SUMF2: variants seen among roughly 807,000 people sequenced by gnomAD.
SUMF2 encodes the protein inactive C-alpha-formylglycine-generating enzyme 2.
SUMF2 carries 45 observed loss-of-function variants against 44.8 expected under a neutral mutation model. The observed-to-expected ratio is 1.00, with a 90% CI of 0.79 to 1.29. The LOEUF is 1.29. Among genes scored for constraint, SUMF2 ranks in the 50% most tolerant of loss-of-function variants. SUMF2 has a pLI of 0.00. For missense variants in SUMF2, 418 were observed against 389.9 expected, an observed-to-expected ratio of 1.07 and a Z score of -0.61; for synonymous variants, 148 against 150.4, an observed-to-expected ratio of 0.98 and a Z score of 0.12.
chr7:56,074,794 G>A (rs1795430051), intron 5 of SUMF2, 58 bp downstream of exon 5: 1 of 1,604,852 alleles, frequency 6.2e-7, no homozygotes, highest in Admixed American at 1.7e-5. Context: ...CCCAGCATGA[G>A]GGGCTTTAAA....
chr7:56,083,374 G>A (rs1338683768), downstream of SUMF2: 1 of 1,614,050 alleles, frequency 6.2e-7, no homozygotes, highest in African/African-American at 1.3e-5. Flanking sequence ...TCGGGCTTCA[G>A]GTCCCGGTGC....
intron 2 of SUMF2, among the ~76,000 whole-genome samples, chr7:56,070,983 G>A (rs1240858541): frequency 2.6e-5 from 4 of 152,224 alleles, no homozygotes; most frequent in South Asian, 4.1e-4. Flanking sequence ...AACCTGGTCC[G>A]TGGTTGGTGA....
intron 2 of SUMF2, 107 bp downstream of exon 2, chr7:56,068,745 A>T: frequency 1.9e-5 from 26 of 1,337,102 alleles, no homozygotes; most frequent in Non-Finnish European, 1.0e-6. Context: ...TCTGTCACCC[A>T]GGTGCTGGAG....
downstream of SUMF2, chr7:56,081,975 A>T: frequency 6.2e-7 from 1 of 1,613,958 alleles, no homozygotes; most frequent in South Asian, 1.1e-5. This position sits in a 1 kb window ranked among gnomAD's most constrained non-coding sequence, Gnocchi z 4.6. Context: ...CCTCAGCATC[A>T]GCATCTGCTT....
At chr7:56,071,486 G>C (rs12669623) in intron 2 of SUMF2, among the ~76,000 whole-genome samples, 101,394 of 151,478 alleles carry the variant, frequency 0.67, 34,120 homozygotes, top group East Asian at 0.7. Flanking sequence ...GAGACCTGGT[G>C]TCAAAAAAAT....
chr7:56,077,614 G>A (rs1795650788), intron 6 of SUMF2, among the ~76,000 whole-genome samples: 1 of 150,976 alleles, frequency 6.6e-6, no homozygotes, highest in Non-Finnish European at 1.5e-5. Flanking sequence ...AGCTACCACT[G>A]TACTCTAGCC....
At chr7:56,071,352 G>A (rs1390120836) in intron 2 of SUMF2, among the ~76,000 whole-genome samples, 1 of 152,116 alleles carries the variant, frequency 6.6e-6, no homozygotes, top group Non-Finnish European at 1.5e-5. Context: ...GTGAGACCCA[G>A]TCTCAAAATA....
At chr7:56,068,031 C>CTTTTTTTTTTT (rs565131237) in intron 1 of SUMF2, among the ~76,000 whole-genome samples, 2 of 110,350 alleles carry the variant, frequency 1.8e-5, no homozygotes, top group African/African-American at 3.3e-5. Flanking sequence ...TTTTTTCTTT[C>CTTTTTTTTTTT]TTTTTTTTTT....
At chr7:56,070,361 C>T (rs1584578128) in intron 2 of SUMF2, among the ~76,000 whole-genome samples, 2 of 151,956 alleles carry the variant, frequency 1.3e-5, no homozygotes, top group Non-Finnish European at 2.9e-5. Context: ...TGCAGTGGCT[C>T]ACGTCTGTAA....
chr7:56,079,951 T>G lies in SUMF2; in HGVS notation c.*339T>G. 3 of 1,216,780 alleles carry G rather than the reference T, an allele frequency of 2.5e-6. No individual in the cohort carries two copies. Among genetic ancestry groups the G allele is most frequent in the Non-Finnish European group, 3.4e-6 (3 of 886,284 alleles). 75.4% of individuals were successfully genotyped at this position (1,216,780 alleles called of 1,614,324 possible). Reference sequence around the variant, plus strand: ...TTTAAGCATTTTAAAATCTATTCTCTCCCCCTTTCTCCCTGGATGATTCAG... The same window carrying G: ...TTTAAGCATTTTAAAATCTATTCTCGCCCCCTTTCTCCCTGGATGATTCAG... On this transcript the variant is annotated 3_prime_UTR_variant, in exon 9 of 9. Transcript: ENST00000434526.
chr7:56,082,329 A>G (rs1398225244), downstream of SUMF2: 3 of 1,146,832 alleles, frequency 2.6e-6, no homozygotes, highest in African/African-American at 3.1e-5. Context: ...GCAGTGGCTC[A>G]TTTCTATAAT....
At chr7:56,086,584 G>A in the SUMF2 span, among the ~76,000 whole-genome samples, 1 of 150,966 alleles carries the variant, frequency 6.6e-6, no homozygotes, top group Non-Finnish European at 1.5e-5. Context: ...CGCCTCCTGG[G>A]TTCAAGCGAT....
chr7:56,073,239 G>A, intron 3 of SUMF2, 128 bp downstream of exon 3: 1 of 751,764 alleles, frequency 1.3e-6, no homozygotes, highest in East Asian at 2.7e-5. Context: ...GGGGAAGCAA[G>A]AGAAACTCAC....
At chr7:56,073,278 C>T in intron 3 of SUMF2, 167 bp downstream of exon 3, 1 of 687,284 alleles carries the variant, frequency 1.5e-6, no homozygotes, top group Non-Finnish European at 2.7e-6. Context: ...TACACACTCC[C>T]AGGAAGTTAA....
At chr7:56,086,904 G>A in the SUMF2 span, 2 of 1,235,730 alleles carry the variant, frequency 1.6e-6, no homozygotes, top group Non-Finnish European at 2.4e-6. Flanking sequence ...GCAGCCCTGG[G>A]GTTGGGGAGG....
At position 56,079,661 on chromosome 7, in the gene SUMF2, C is replaced by T. The variant is rs191799871; in HGVS notation, c.*49C>T. On this transcript the variant is annotated 3_prime_UTR_variant, in exon 9 of 9. Coordinates refer to ENST00000434526, the MANE Select transcript of SUMF2 (RefSeq NM_015411.4). ...AAAGCCTTCTAGGGTCACTGTCATT[C>T]CCTGGCCATGTTGCAAACAGCGCAA... is the stretch of plus-strand genomic sequence containing the variant. The T allele has an allele frequency of 1.4e-3, 2,327 of 1,614,156 alleles. 36 individuals carry two copies. The South Asian group carries it at 0.018, about 12-fold the overall frequency.
At chr7:56,084,827 T>C (rs1272661724), downstream of SUMF2, among the ~76,000 whole-genome samples, 1 of 152,112 alleles carries the variant, frequency 6.6e-6, no homozygotes, top group Non-Finnish European at 1.5e-5. Context: ...ACAATCTAGT[T>C]ATACCCTGGA....
chr7:56,068,445 TG>T (rs1232773228), intron 1 of SUMF2, 36 bp from the exon 2 acceptor site: 1 of 1,568,258 alleles, frequency 6.4e-7, no homozygotes, highest in Admixed American at 1.9e-5. Flanking sequence ...TTTATATATA[TG>T]CATGTATTAC....
At chr7:56,074,082 C>CG (rs1795367131) in intron 3 of SUMF2, 92 bp from the exon 4 acceptor site, 1 of 1,082,446 alleles carries the variant, frequency 9.2e-7, no homozygotes, top group Admixed American at 1.7e-5. Flanking sequence ...GAGTCTCAGC[C>CG]TGACGTCTCT....
Sources: allele counts gnomAD v4.1 joint callset (sites outside exome capture counted in the v4.1 genomes callset), GRCh38; gene constraint gnomAD v4.1.1; non-coding constraint Gnocchi (gnomAD v3.1); transcripts MANE v1.5; gene names NCBI Gene and HGNC (gene_info 2026-07-23, HGNC 2026-07-21).